SCUBE1: variants seen among roughly 807,000 people sequenced by gnomAD.
SCUBE1 encodes the protein signal peptide, CUB domain and EGF like domain containing 1, also known as signal peptide, CUB and EGF-like domain-containing protein 1.
SCUBE1 carries 59 observed loss-of-function variants against 124.4 expected under a neutral mutation model. That is an observed-to-expected ratio of 0.47 (90% CI 0.38 to 0.59). SCUBE1 has a LOEUF of 0.59. SCUBE1 is among the 20% of genes least tolerant of loss of function. SCUBE1 has a pLI of 0.00. For missense variants in SCUBE1, 1,150 were observed against 1,371.2 expected, an observed-to-expected ratio of 0.84 and a Z score of 2.55; for synonymous variants, 545 against 550.9, an observed-to-expected ratio of 0.99 and a Z score of 0.15.
At position 43,203,961 on chromosome 22, in the gene SCUBE1, G is replaced by A. The variant is rs779507554; in HGVS notation, c.*36C>T. On this transcript the variant is annotated 3_prime_UTR_variant, in exon 22 of 22. Coordinates refer to ENST00000360835, the MANE Select transcript of SCUBE1 (RefSeq NM_173050.5). ...GTGGAGGGCAGGTGCACCCTCCGCG[G>A]ACCAGGCCACCCCCAGGCAGGGCCG... 39 of 1,611,462 alleles carry A rather than the reference G, an allele frequency of 2.4e-5. No homozygotes were observed. The highest frequency in any genetic ancestry group is 1.7e-4 in the Middle Eastern group (1 of 5,926).
intron 6 of SCUBE1, among the ~76,000 whole-genome samples, chr22:43,241,335 C>T (rs112723234): frequency 2.6e-5 from 4 of 152,136 alleles, no homozygotes; most frequent in African/African-American, 7.2e-5. Context: ...GCTCCGCCTC[C>T]CACTCTCATG....
Position 43,201,343 on chromosome 22 carries a change from A to G in SCUBE1, c.*2654T>C, listed in dbSNP as rs1488484064. ...AAAAAAAAAAGAAAACAAAAAAAGAAAACAAAAAACAAAACAAAAAAAACA... is the reference window on the plus strand; with the variant it reads ...AAAAAAAAAAGAAAACAAAAAAAGAGAACAAAAAACAAAACAAAAAAAACA... On this transcript the variant is annotated 3_prime_UTR_variant, in exon 22 of 22. Coordinates refer to ENST00000360835, the MANE Select transcript of SCUBE1 (RefSeq NM_173050.5). 6.7e-6 allele frequency: 1 copy of G among 149,340 alleles called. No homozygotes were observed. The highest frequency in any genetic ancestry group is 1.9e-4 in the East Asian group (1 of 5,194). The allele number at this position is 149,340 out of a possible 1,614,324, so 9.3% of individuals were successfully genotyped here.
intron 4 of SCUBE1, among the ~76,000 whole-genome samples, chr22:43,281,484 CT>C (rs1569010777): frequency 7.0e-5 from 7 of 100,080 alleles, no homozygotes; most frequent in African/African-American, 4.2e-4. Context: ...TCACCTCCCT[CT>C]TTGGCCACCC....
chr22:43,320,142 G>A, intron 2 of SCUBE1, 77 bp from the exon 3 acceptor site: 6 of 1,556,068 alleles, frequency 3.9e-6, no homozygotes, highest in East Asian at 2.3e-5. Context: ...GAAGCCACCG[G>A]GATCTGAGTG....
At chr22:43,243,794 G>T (rs556289207) in intron 6 of SCUBE1, among the ~76,000 whole-genome samples, 1 of 152,328 alleles carries the variant, frequency 6.6e-6, no homozygotes, top group East Asian at 1.9e-4. Flanking sequence ...TTCTTGCAAG[G>T]CCCAGGCAGA....
chr22:43,269,004 G>A (rs1440103804), intron 4 of SCUBE1, among the ~76,000 whole-genome samples: 1 of 152,172 alleles, frequency 6.6e-6, no homozygotes, highest in African/African-American at 2.4e-5. Context: ...AGCTGCTTCT[G>A]AGTTTTCTGG....
intron 7 of SCUBE1, chr22:43,233,345 C>T (rs1922632631): frequency 6.6e-6 from 1 of 152,264 alleles, no homozygotes; most frequent in Non-Finnish European, 1.5e-5. Flanking sequence ...GCCTGGGCAA[C>T]AAGAGTAAAA....
chr22:43,205,572 C>T (rs1406314645), intron 21 of SCUBE1, among the ~76,000 whole-genome samples: 1 of 151,620 alleles, frequency 6.6e-6, no homozygotes, highest in African/African-American at 2.4e-5. Context: ...TGTACACACC[C>T]ACCACACCCC....
intron 2 of SCUBE1, 152 bp from the exon 3 acceptor site, chr22:43,320,217 T>C (rs1369898365): frequency 6.6e-6 from 6 of 906,834 alleles, no homozygotes; most frequent in East Asian, 5.3e-5. Flanking sequence ...TCAAGTATTA[T>C]AAAAATGCTA....
chr22:43,291,042 T>C lies in SCUBE1; in HGVS notation c.484+4A>G, dbSNP rs1925338572. 6.2e-7 allele frequency: 1 copy of C among 1,603,280 alleles called. No individual in the cohort carries two copies. On this transcript the variant is annotated splice_donor_region_variant and intron_variant, in intron 4 of 21. Coordinates refer to ENST00000360835, the MANE Select transcript of SCUBE1 (RefSeq NM_173050.5). ...CATGCCTGGTCAGCATAGGCTGTAC[T>C]CACCATTGGAGCGGTGGATGCAGGT...
chr22:43,328,227 T>C (rs901845213), intron 2 of SCUBE1, among the ~76,000 whole-genome samples: 2 of 152,182 alleles, frequency 1.3e-5, no homozygotes, highest in South Asian at 4.1e-4. Flanking sequence ...TCAGGACTAA[T>C]GGTTGCTGAG....
intron 6 of SCUBE1, among the ~76,000 whole-genome samples, chr22:43,248,946 G>A (rs1343601939): frequency 6.6e-6 from 1 of 152,218 alleles, no homozygotes; most frequent in African/African-American, 2.4e-5. Flanking sequence ...CCCGCTCTGG[G>A]CAAGGCCCTG....
intron 2 of SCUBE1, among the ~76,000 whole-genome samples, chr22:43,325,306 G>T (rs1263323422): frequency 1.3e-5 from 2 of 152,064 alleles, no homozygotes; most frequent in Non-Finnish European, 2.9e-5. Flanking sequence ...AGCCAGGCGT[G>T]GTGGCGCATG....
chr22:43,251,450 G>A (rs1485479305), intron 6 of SCUBE1, among the ~76,000 whole-genome samples: 1 of 152,228 alleles, frequency 6.6e-6, no homozygotes, highest in Non-Finnish European at 1.5e-5. Context: ...CTCTGCAGAT[G>A]TGCTGAAGGA....
intron 2 of SCUBE1, among the ~76,000 whole-genome samples, chr22:43,337,012 G>T (rs1436219192): frequency 6.6e-6 from 1 of 152,230 alleles, no homozygotes; most frequent in East Asian, 1.9e-4. Context: ...CAGAGGTGTT[G>T]TTCAGTGTTT....
chr22:43,256,758 A>C (rs1302441376), intron 6 of SCUBE1, among the ~76,000 whole-genome samples: 2 of 152,244 alleles, frequency 1.3e-5, no homozygotes, highest in African/African-American at 2.4e-5. Context: ...ACCCTGCGGA[A>C]GACCTTGAGC....
chr22:43,261,266 C>T (rs778559218), intron 5 of SCUBE1, among the ~76,000 whole-genome samples: 2 of 152,166 alleles, frequency 1.3e-5, no homozygotes, highest in African/African-American at 2.4e-5. Context: ...TGGATGGAGC[C>T]CTGGGGCTGG....
At chr22:43,329,950 G>C (rs1926851862) in intron 2 of SCUBE1, among the ~76,000 whole-genome samples, 1 of 152,118 alleles carries the variant, frequency 6.6e-6, no homozygotes, top group Non-Finnish European at 1.5e-5. Flanking sequence ...GAGGAGGCGA[G>C]AGGGCCCAGA....
intron 6 of SCUBE1, among the ~76,000 whole-genome samples, chr22:43,256,118 C>G (rs1332193983): frequency 6.6e-6 from 1 of 152,180 alleles, no homozygotes; most frequent in Non-Finnish European, 1.5e-5. Flanking sequence ...AAATTAAGAA[C>G]AAAACATAGG....
Sources: gnomAD v4.1 joint callset for allele counts (sites outside exome capture counted in the v4.1 genomes callset) on GRCh38, gnomAD v4.1.1 for gene constraint, MANE v1.5 for transcripts, NCBI Gene and HGNC (gene_info 2026-07-23, HGNC 2026-07-21) for gene names.